The following GRIN2B variants were observed in gnomAD, a reference collection of about 807,000 sequenced individuals.
GRIN2B encodes the protein glutamate receptor ionotropic, NMDA 2B.
A neutral mutation model predicts 114.5 loss-of-function variants in GRIN2B; 5 were observed. That is an observed-to-expected ratio of 0.04 (90% CI 0.02 to 0.09). The LOEUF (loss-of-function observed/expected upper bound fraction) is 0.09. Among genes scored for constraint, GRIN2B ranks in the 10% least tolerant of loss-of-function variants. The pLI is 1.00. For synonymous variants in GRIN2B, 787 were observed against 745.1 expected, an observed-to-expected ratio of 1.06 and a Z score of -0.92; for missense variants, 1,108 against 1,943.5, an observed-to-expected ratio of 0.57 and a Z score of 8.08.
intron 8 of GRIN2B, among the ~76,000 whole-genome samples, chr12:13,612,214 T>G (rs1326321176): frequency 6.6e-6 from 1 of 152,258 alleles, no homozygotes; most frequent in Non-Finnish European, 1.5e-5. Flanking sequence ...CTCATCTATA[T>G]GGCCACACCA....
Position 13,753,496 on chromosome 12 carries a change from G to C in GRIN2B, c.831C>G (p.Leu277=). 6.2e-7 allele frequency: 1 copy of C among 1,614,158 alleles called. No homozygotes were observed. The highest frequency in any genetic ancestry group is 2.2e-5 in the East Asian group (1 of 44,886). Reference sequence around the variant, plus strand: ...CCCATTCATCATATGATACAGAGATGAGCCCAGTGGGGAACTCCGCAGGCA... The same window carrying C: ...CCCATTCATCATATGATACAGAGATCAGCCCAGTGGGGAACTCCGCAGGCA... ...DTVPAEFPTG[L]ISVSYDEWDY... is the part of the protein sequence containing the mutation. Residue 277 remains leucine, a synonymous_variant, in exon 4 of 14, where the codon CTC becomes CTG. Transcript: ENST00000609686. The surrounding 1 kb of genome is among the most constrained non-coding windows in gnomAD (Gnocchi z 6.2).
chr12:13,818,303 A>G (rs959290283), intron 3 of GRIN2B, among the ~76,000 whole-genome samples: 3 of 152,234 alleles, frequency 2.0e-5, no homozygotes, highest in African/African-American at 7.2e-5. Flanking sequence ...CTGGAACCAA[A>G]GGCCATTCCA....
At chr12:13,671,463 G>C (rs1416056172) in intron 5 of GRIN2B, among the ~76,000 whole-genome samples, 2 of 152,112 alleles carry the variant, frequency 1.3e-5, no homozygotes, top group Non-Finnish European at 2.9e-5. Flanking sequence ...CTACTTTTAG[G>C]AACCTAAAGG....
chr12:13,630,537 A>G (rs970601019), intron 5 of GRIN2B, among the ~76,000 whole-genome samples: 1 of 152,132 alleles, frequency 6.6e-6, no homozygotes, highest in Middle Eastern at 3.2e-3. Flanking sequence ...TCCTCTTGGA[A>G]TGTTGCTGAC....
At chr12:13,794,207 C>CAAA (rs3082833) in intron 3 of GRIN2B, among the ~76,000 whole-genome samples, 1,855 of 102,750 alleles carry the variant, frequency 0.018, 80 homozygotes, top group African/African-American at 0.058. Flanking sequence ...GACTCTGTCT[C>CAAA]AAAAAAAAAA....
In GRIN2B at chr12:13,615,201, C is replaced by T; in HGVS notation, c.1567G>A (p.Val523Ile). The T allele has an allele frequency of 6.2e-7, 1 of 1,613,512 alleles. No individual in the cohort carries two copies. Among genetic ancestry groups the T allele is most frequent in the Non-Finnish European group, 8.5e-7 (1 of 1,179,396 alleles). The change falls in exon 8 of 14, where the codon GTC becomes ATC. Residue 523 changes from valine to isoleucine, a missense_variant. Around this residue, in one of 19 missense-constraint regions of GRIN2B, gnomAD observed 8 missense variants for 111.7 expected, o/e 0.07. Coordinates refer to ENST00000609686, the MANE Select transcript of GRIN2B (RefSeq NM_000834.5). This position sits in a 1 kb window ranked among gnomAD's most constrained non-coding sequence, Gnocchi z 5.8. ...TCTATGAAGGGCACAGAGAAGTCGA[C>T]CACCTCCGATCGTTCCTCATTGATG... ...LTINEERSEVVDFSVPFIETG... is the reference protein window; with the variant it reads ...LTINEERSEVIDFSVPFIETG...
chr12:13,582,243 T>C (rs1948862881), intron 10 of GRIN2B, among the ~76,000 whole-genome samples: 1 of 152,198 alleles, frequency 6.6e-6, no homozygotes, highest in Admixed American at 6.5e-5. Context: ...GTAAGAGGAA[T>C]AAATAATTAT....
chr12:13,867,541 C>T (rs552012790), intron 2 of GRIN2B, among the ~76,000 whole-genome samples: 55 of 152,188 alleles, frequency 3.6e-4, no homozygotes, highest in African/African-American at 1.3e-3. Context: ...ATTTACTGCC[C>T]GAATCCATAA....
chr12:13,767,044 C>G (rs1222405336), intron 3 of GRIN2B, among the ~76,000 whole-genome samples: 2 of 152,072 alleles, frequency 1.3e-5, no homozygotes, highest in African/African-American at 4.8e-5. Context: ...ATCACGAGGT[C>G]AGGAGAACAA....
rs1227559477 is a variant in GRIN2B, at chr12:13,616,754, A to G, written c.1126-97T>C. Reference sequence around the variant, plus strand: ...CTGAACAATCCCAGGAAGCAGTTGAACAAAAGCCAACAAGTGCCAACATTG... The same window carrying G: ...CTGAACAATCCCAGGAAGCAGTTGAGCAAAAGCCAACAAGTGCCAACATTG... On this transcript the variant is annotated intron_variant, in intron 5 of 13. Coordinates refer to ENST00000609686, the MANE Select transcript of GRIN2B (RefSeq NM_000834.5). 52 of 926,828 alleles carry G rather than the reference A, an allele frequency of 5.6e-5. No homozygotes were observed. The South Asian group carries it at 6.4e-4, about 11-fold the overall frequency. 57.4% of individuals were successfully genotyped at this position (926,828 alleles called of 1,614,324 possible). A position where few individuals can be genotyped will look rare whatever the true frequency, so the allele number is the denominator to read the frequency against.
chr12:13,909,225 T>C (rs1866591970), intron 2 of GRIN2B, among the ~76,000 whole-genome samples: 1 of 152,202 alleles, frequency 6.6e-6, no homozygotes, highest in South Asian at 2.1e-4. Flanking sequence ...TACTACTGCT[T>C]ACATGTATAG....
chr12:13,769,779 G>A (rs374564995), intron 3 of GRIN2B, among the ~76,000 whole-genome samples: 4 of 152,184 alleles, frequency 2.6e-5, no homozygotes, highest in South Asian at 2.1e-4. Flanking sequence ...AGGTAGATGG[G>A]GGCTGGTATC....
chr12:13,909,380 G>A (rs1365026363), intron 2 of GRIN2B, among the ~76,000 whole-genome samples: 2 of 152,220 alleles, frequency 1.3e-5, no homozygotes, highest in African/African-American at 4.8e-5. Flanking sequence ...ATGTTGAATG[G>A]TCAGTAATAA....
At chr12:13,823,863 G>A (rs538037958) in intron 3 of GRIN2B, among the ~76,000 whole-genome samples, 2 of 152,030 alleles carry the variant, frequency 1.3e-5, no homozygotes, top group East Asian at 1.9e-4. Flanking sequence ...ACATGAATGA[G>A]TGTTCAATTT....
At chr12:13,862,202 A>G (rs1414688638) in intron 3 of GRIN2B, among the ~76,000 whole-genome samples, 3 of 152,234 alleles carry the variant, frequency 2.0e-5, no homozygotes, top group Admixed American at 6.5e-5. Context: ...CTGATTAATT[A>G]GCATATGCAA....
intron 2 of GRIN2B, among the ~76,000 whole-genome samples, chr12:13,894,206 C>A (rs1866314671): frequency 6.6e-6 from 1 of 151,952 alleles, no homozygotes; most frequent in Non-Finnish European, 1.5e-5. Context: ...TACCTTTGAC[C>A]CCGTAATTCA....
intron 4 of GRIN2B, among the ~76,000 whole-genome samples, chr12:13,712,993 G>A (rs1950427266): frequency 1.3e-5 from 2 of 151,800 alleles, no homozygotes; most frequent in Admixed American, 6.6e-5. Context: ...GCTAAGTGAT[G>A]CAAGAAATCC....
At chr12:13,774,637 CTTTGGTAAAGACA>C (rs1195503840) in intron 3 of GRIN2B, among the ~76,000 whole-genome samples, 1 of 152,122 alleles carries the variant, frequency 6.6e-6, no homozygotes, top group Non-Finnish European at 1.5e-5. Context: ...TGTGCAGTGC[CTTTGGTAAAGACA>C]TTTTATCAAG....
At chr12:13,743,446 T>C (rs1024861747) in intron 4 of GRIN2B, among the ~76,000 whole-genome samples, 3 of 152,160 alleles carry the variant, frequency 2.0e-5, no homozygotes, top group Non-Finnish European at 2.9e-5. Flanking sequence ...GTCTCTAATA[T>C]GCACACACAT....
Sources: gnomAD v4.1 joint callset for allele counts (sites outside exome capture counted in the v4.1 genomes callset) on GRCh38, gnomAD v4.1.1 for gene constraint, gnomAD v4.1.1 regional missense constraint, Gnocchi (gnomAD v3.1) non-coding constraint, MANE v1.5 for transcripts, NCBI Gene and HGNC (gene_info 2026-07-23, HGNC 2026-07-21) for gene names.